Variants in ALPK1 observed in about 807,000 individuals in gnomAD.
ALPK1 encodes alpha-protein kinase 1.
Under a neutral mutation model 120.6 loss-of-function variants are expected in ALPK1, and 110 were observed. The observed-to-expected ratio is 0.91, with a 90% CI of 0.78 to 1.07. ALPK1 has a LOEUF of 1.07. Among genes scored for constraint, ALPK1 ranks in the 50% least tolerant of loss-of-function variants. The pLI is 0.00. For synonymous variants in ALPK1, 582 were observed against 560.3 expected (o/e 1.04, Z -0.55); for missense variants, 1,498 against 1,483.9 (o/e 1.01, Z -0.16).
In ALPK1 at chr4:112,367,248, G is replaced by T. The variant is rs374867359; in HGVS notation, c.-100-10430G>T. Reference sequence around the variant, plus strand: ...GTAGATTATGAAACAGTGTATACACGGTTGATCCCAACTGTAATTTGAAAA... The same window carrying T: ...GTAGATTATGAAACAGTGTATACACTGTTGATCCCAACTGTAATTTGAAAA... On this transcript the variant is annotated intron_variant, in intron 2 of 15. Coordinates refer to ENST00000650871, the MANE Select transcript of ALPK1 (RefSeq NM_025144.4). Among the ~76,000 whole-genome samples, 114 of 152,216 alleles carry T rather than the reference G, an allele frequency of 7.5e-4. 1 individual carries two copies. The highest frequency in any genetic ancestry group is 2.5e-3 in the African/African-American group (105 of 41,552).
At chr4:112,432,994 A>G (rs13110304) in intron 11 of ALPK1, among the ~76,000 whole-genome samples, 40,684 of 152,092 alleles carry the variant, frequency 0.27, 6,991 homozygotes, top group African/African-American at 0.49. Flanking sequence ...CTCAGCATCT[A>G]TCTTCTCCTT....
At chr4:112,365,302 T>C (rs1442303552) in intron 2 of ALPK1, among the ~76,000 whole-genome samples, 1 of 152,152 alleles carries the variant, frequency 6.6e-6, no homozygotes, top group Non-Finnish European at 1.5e-5. Flanking sequence ...ATACCTATTA[T>C]AGAAAACCCT....
chr4:112,400,327 CAT>C (rs2148740855), intron 4 of ALPK1, among the ~76,000 whole-genome samples: 1 of 152,276 alleles, frequency 6.6e-6, no homozygotes. Flanking sequence ...AGATGAAACA[CAT>C]AGGTTCCAAC....
At chr4:112,366,902 C>G (rs1435387274) in intron 2 of ALPK1, among the ~76,000 whole-genome samples, 8 of 152,152 alleles carry the variant, frequency 5.3e-5, no homozygotes, top group African/African-American at 1.9e-4. Flanking sequence ...TTGCAGCAAC[C>G]TGGATGGAAT....
At chr4:112,414,610 A>AG (rs1733651935) in intron 5 of ALPK1, 1 of 162,378 alleles carries the variant, frequency 6.2e-6, no homozygotes, top group Non-Finnish European at 1.4e-5. Context: ...CTTCGTCTCA[A>AG]AAAAAAAAAA....
At chr4:112,426,627 T>C in intron 8 of ALPK1, 84 bp downstream of exon 8, 1 of 1,138,834 alleles carries the variant, frequency 8.8e-7, no homozygotes, top group Non-Finnish European at 1.2e-6. Flanking sequence ...CCATTTCTCA[T>C]ATATCAATTT....
chr4:112,329,106 T>C (rs926538319), intron 2 of ALPK1, among the ~76,000 whole-genome samples: 5 of 152,112 alleles, frequency 3.3e-5, no homozygotes, highest in African/African-American at 1.2e-4. Flanking sequence ...TGGCATATAG[T>C]AGGTACCTAT....
At chr4:112,407,310 T>G (rs1364503280) in intron 4 of ALPK1, among the ~76,000 whole-genome samples, 1 of 152,182 alleles carries the variant, frequency 6.6e-6, no homozygotes, top group Non-Finnish European at 1.5e-5. Flanking sequence ...GTTATGCATT[T>G]TTTACCACTA....
chr4:112,309,264 C>G (rs1270198229), intron 1 of ALPK1, among the ~76,000 whole-genome samples: 1 of 152,148 alleles, frequency 6.6e-6, no homozygotes, highest in African/African-American at 2.4e-5. Context: ...AACCACTACT[C>G]TCTTCAAAGC....
intron 5 of ALPK1, among the ~76,000 whole-genome samples, chr4:112,421,021 C>A (rs988316878): frequency 3.9e-5 from 6 of 152,066 alleles, no homozygotes; most frequent in African/African-American, 1.4e-4. Context: ...TTAGTAGAGA[C>A]GGGGTTTCAC....
intron 14 of ALPK1, 71 bp from the exon 15 acceptor site, chr4:112,440,846 T>C: frequency 6.5e-7 from 1 of 1,532,780 alleles, no homozygotes; most frequent in South Asian, 1.3e-5. Flanking sequence ...TGTGTGTGTA[T>C]GTATTTTTGT....
chr4:112,319,593 C>T (rs771182012), intron 2 of ALPK1, among the ~76,000 whole-genome samples: 1 of 151,908 alleles, frequency 6.6e-6, no homozygotes, highest in Non-Finnish European at 1.5e-5. Context: ...GATGGTGGTA[C>T]CTTGATGGCA....
intron 5 of ALPK1, chr4:112,412,282 C>T: frequency 4.9e-6 from 3 of 618,534 alleles, no homozygotes; most frequent in Non-Finnish European, 8.9e-6. Context: ...CTAATTGGAG[C>T]TTTTGTCTTC....
intron 12 of ALPK1, among the ~76,000 whole-genome samples, chr4:112,438,256 T>C (rs986814082): frequency 2.0e-5 from 3 of 152,214 alleles, no homozygotes; most frequent in African/African-American, 7.2e-5. Context: ...TTTCCCTTTA[T>C]AATCAGTATC....
chr4:112,382,598 G>A, intron 4 of ALPK1, 46 bp downstream of exon 4: 2 of 1,613,636 alleles, frequency 1.2e-6, no homozygotes, highest in East Asian at 2.2e-5. Flanking sequence ...CCCAAGTGAG[G>A]CATTTAGACT....
intron 4 of ALPK1, among the ~76,000 whole-genome samples, chr4:112,387,392 G>T (rs768426192): frequency 3.3e-4 from 50 of 152,192 alleles, no homozygotes; most frequent in Non-Finnish European, 5.9e-4. Flanking sequence ...CAGGTTTGGG[G>T]GTCCTGATGC....
At chr4:112,357,122 G>C (rs747410418) in intron 2 of ALPK1, 3 of 1,276,270 alleles carry the variant, frequency 2.4e-6, no homozygotes, top group African/African-American at 2.9e-5. Context: ...CATCGATGCT[G>C]TTGAGCTGCC....
In ALPK1 at chr4:112,432,600, A is replaced by G. The variant is rs924811630; in HGVS notation, c.3034+19A>G. On this transcript the variant is annotated intron_variant, in intron 11 of 15. Coordinates refer to ENST00000650871, the MANE Select transcript of ALPK1 (RefSeq NM_025144.4). ...GCACATAGTAAGTACAATCTTTTCA[A>G]TAGTTCCCCCCTCAGGAAGCAGCTG... 6.9e-6 allele frequency: 11 copies of G among 1,598,558 alleles called. No individual in the cohort carries two copies. The highest frequency in any genetic ancestry group is 9.4e-6 in the Non-Finnish European group (11 of 1,174,624).
chr4:112,395,054 G>A (rs1254242341), intron 4 of ALPK1, among the ~76,000 whole-genome samples: 5 of 152,186 alleles, frequency 3.3e-5, no homozygotes, highest in African/African-American at 1.2e-4. Context: ...ACCATATAAA[G>A]TGTCACCTTT....
Sources: allele counts gnomAD v4.1 joint callset (sites outside exome capture counted in the v4.1 genomes callset), GRCh38; gene constraint gnomAD v4.1.1; transcripts MANE v1.5; gene names NCBI Gene and HGNC (gene_info 2026-07-23, HGNC 2026-07-21).